Variants in ACD observed in about 807,000 individuals in gnomAD.
ACD encodes adrenocortical dysplasia protein homolog.
In ACD, 39 loss-of-function variants were observed where a neutral mutation model predicts 53.9. The ratio of observed to expected loss-of-function variants is 0.72; its 90% CI spans 0.56 to 0.95. ACD has a LOEUF of 0.95. Among genes scored for constraint, ACD ranks in the 40% least tolerant of loss-of-function variants. The pLI, the probability that ACD is intolerant of heterozygous loss-of-function variation, is 0.00. For missense variants in ACD, 526 were observed against 587.9 expected (o/e 0.89, Z 1.09); for synonymous variants, 273 against 249.2 (o/e 1.10, Z -0.90).
Position 67,659,055 on chromosome 16 carries a change from T to C in ACD, c.518A>G (p.Asp173Gly). 6.2e-7 allele frequency: 1 copy of C among 1,613,874 alleles called. No individual in the cohort carries two copies. The highest frequency in any genetic ancestry group is 8.5e-7 in the Non-Finnish European group (1 of 1,179,970). Residue 173 changes from aspartate to glycine, a missense_variant, in exon 7 of 12, where the codon GAT (aspartate) becomes GGT (glycine). Coordinates refer to ENST00000620761, the MANE Select transcript of ACD (RefSeq NM_001082486.2). ...NAGLSLSQLLDEMREDQEHQG... is the reference protein window; with the variant it reads ...NAGLSLSQLLGEMREDQEHQG... The stretch of plus-strand genomic sequence containing the variant: ...ATGCTCCTGGTCCTCCCGCATTTCA[T>C]CCAGAAGCTGGGACAGTGATAGGCC...
In ACD at chr16:67,658,753, G is replaced by C; in HGVS notation, c.709C>G (p.Leu237Val). ...CTCTGACAGGGGCCTAGAGAGCTCA[G>C]AATTAGCTGGTCATTCTCAGAGATG... is the stretch of plus-strand genomic sequence containing the variant. ...LCISENDQLI[L>V]SSLGPCQRTQ... Residue 237 changes from leucine (L) to valine (V), a missense_variant, in exon 8 of 12, where the codon CTG becomes GTG. By Grantham distance (32) the Leu-to-Val change is conservative. Transcript: ENST00000620761. 6.2e-7 allele frequency: 1 copy of C among 1,613,458 alleles called. No homozygotes were observed. Among genetic ancestry groups the C allele is most frequent in the African/African-American group, 1.3e-5 (1 of 75,038 alleles).
At chr16:67,659,313 A>T in intron 5 of ACD, 50 bp from the exon 6 acceptor site, 2 of 1,614,080 alleles carry the variant, frequency 1.2e-6, no homozygotes, top group Non-Finnish European at 1.7e-6. Context: ...AGGCCTGTCT[A>T]CCTAGATACA....
rs2052957597 is a variant in ACD at position 67,659,577 on chromosome 16, G to A, written c.373C>T (p.Leu125=). The change falls in exon 4 of 12, where the codon CTG becomes TTG. Residue 125 remains leucine (L), a synonymous_variant. Transcript: ENST00000620761. ...AGCCGGGGCTGCTCCGTGGGCAGCAGGCTGAAGCGGTCCACCTGGAGATAG... is the reference window on the plus strand; with the variant it reads ...AGCCGGGGCTGCTCCGTGGGCAGCAAGCTGAAGCGGTCCACCTGGAGATAG... The part of the protein sequence containing the change: ...EFYLQVDRFS[L]LPTEQPRLRV... 1.9e-6 allele frequency: 3 copies of A among 1,613,486 alleles called. No individual in the cohort carries two copies. Among genetic ancestry groups the A allele is most frequent in the Admixed American group, 1.7e-5 (1 of 60,004 alleles).
intron 7 of ACD, 32 bp downstream of exon 7, chr16:67,658,896 C>T (rs2052934302): frequency 6.2e-7 from 1 of 1,608,204 alleles, no homozygotes; most frequent in African/African-American, 1.3e-5. Flanking sequence ...ACTCCTCACC[C>T]TGACATCTCC....
At position 67,659,570 on chromosome 16, in the gene ACD, G is replaced by A. The variant is rs1408312026; in HGVS notation, c.380C>T (p.Pro127Leu). 1 of 1,613,536 alleles carries A rather than the reference G, an allele frequency of 6.2e-7. No homozygotes were observed. Among genetic ancestry groups the A allele is most frequent in the Admixed American group, 1.7e-5 (1 of 60,022 alleles). ...YLQVDRFSLL[P>L]TEQPRLRVPG... is the part of the protein sequence containing the mutation. ...CACCCGTAGCCGGGGCTGCTCCGTGGGCAGCAGGCTGAAGCGGTCCACCTG... is the reference window on the plus strand; with the variant it reads ...CACCCGTAGCCGGGGCTGCTCCGTGAGCAGCAGGCTGAAGCGGTCCACCTG... The change falls in exon 4 of 12, where the codon CCC becomes CTC. Residue 127 changes from proline to leucine, a missense_variant. Pro to Leu is a moderately conservative substitution (Grantham distance 98). Transcript: ENST00000620761.
chr16:67,659,262 C>T lies in ACD; in HGVS notation c.460G>A (p.Glu154Lys). ...VQKKLYDCLE[E>K]HLSESTSSNA... ...GACGAGGTGGACTCTGAAAGGTGCT[C>T]CCTACAGGAAGAGAGTGGCCAGGAC... is the stretch of plus-strand genomic sequence containing the variant. Residue 154 changes from glutamate to lysine, a missense_variant and splice_region_variant, in exon 6 of 12, where the codon GAG becomes AAG. By Grantham distance (56) the Glu-to-Lys change is moderately conservative (BLOSUM62 1). Transcript: ENST00000620761. 2 of 1,614,100 alleles carry T rather than the reference C, an allele frequency of 1.2e-6. No individual in the cohort carries two copies. Among genetic ancestry groups the T allele is most frequent in the Non-Finnish European group, 1.7e-6 (2 of 1,180,006 alleles).
Position 67,657,575 on chromosome 16 carries a change from G to A in ACD, c.*31C>T. 3 of 1,614,108 alleles carry A rather than the reference G, an allele frequency of 1.9e-6. No homozygotes were observed. Among genetic ancestry groups the A allele is most frequent in the Non-Finnish European group, 2.5e-6 (3 of 1,179,964 alleles). ...TATTAAAAAACTCAAAGGAAGCAGA[G>A]TGTGGAGCGGTATCTGTCCTGCGTG... On this transcript the variant is annotated 3_prime_UTR_variant, in exon 12 of 12. Coordinates refer to ENST00000620761, the MANE Select transcript of ACD (RefSeq NM_001082486.2). This position sits in a 1 kb window ranked among gnomAD's most constrained non-coding sequence, Gnocchi z 4.5.
At position 67,658,601 on chromosome 16, in the gene ACD, T is replaced by G. The variant is rs1384777273; in HGVS notation, c.783A>C (p.Leu261=). 1.3e-6 allele frequency: 2 copies of G among 1,575,704 alleles called. No individual in the cohort carries two copies. The highest frequency in any genetic ancestry group is 1.7e-6 in the Non-Finnish European group (2 of 1,159,440). ...GAGGAGAGGCTATGAGGGTCAGAGA[T>G]AGGTCCTGCAGAGCCGGGTCTGGTG... The part of the protein sequence containing the change: ...LPPPDPALQD[L]SLTLIASPPS... The change falls in exon 9 of 12, where the codon CTA becomes CTC. Residue 261 remains leucine, a synonymous_variant. Coordinates refer to ENST00000620761, the MANE Select transcript of ACD (RefSeq NM_001082486.2).
intron 9 of ACD, 76 bp from the exon 10 acceptor site, chr16:67,658,438 G>A (rs929702996): frequency 2.1e-4 from 340 of 1,607,160 alleles, no homozygotes; most frequent in Non-Finnish European, 2.7e-4. Context: ...GCTCAGACAG[G>A]ACTGCAGGGA....
In ACD at chr16:67,657,967, G is replaced by A; in HGVS notation, c.1206+19C>T. 6.3e-7 allele frequency: 1 copy of A among 1,586,096 alleles called. No individual in the cohort carries two copies. The highest frequency in any genetic ancestry group is 8.6e-7 in the Non-Finnish European group (1 of 1,164,152). On this transcript the variant is annotated intron_variant, in intron 10 of 11. Transcript: ENST00000620761. This position sits in a 1 kb window ranked among gnomAD's most constrained non-coding sequence, Gnocchi z 4.5. ...GCCTTCCTTGTTCTACCCTCCAGCT[G>A]CAGAGGGGCTATGCTCACCCAGACA...
rs937840429 is a variant in ACD, at chr16:67,658,994, C to G, written c.579G>C (p.Leu193=). 2 of 1,613,944 alleles carry G rather than the reference C, an allele frequency of 1.2e-6. No homozygotes were observed. Among genetic ancestry groups the G allele is most frequent in the Non-Finnish European group, 1.7e-6 (2 of 1,180,034 alleles). Residue 193 remains leucine (L), a synonymous_variant, in exon 7 of 12, where the codon CTG becomes CTC. Coordinates refer to ENST00000620761, the MANE Select transcript of ACD (RefSeq NM_001082486.2). Reference sequence around the variant, plus strand: ...GTGCTGTGCAAGGGCCCTCCAGTGTCAGGCAGCTTTCAGCCAGGCACACGA... The same window carrying G: ...GTGCTGTGCAAGGGCCCTCCAGTGTGAGGCAGCTTTCAGCCAGGCACACGA... ...GALVCLAESC[L]TLEGPCTAPP... is the part of the protein sequence containing the mutation.
At position 67,658,648 on chromosome 16, in the gene ACD, G is replaced by A. The variant is rs541174802; in HGVS notation, c.743-7C>T. 1 of 1,580,192 alleles carries A rather than the reference G, an allele frequency of 6.3e-7. No individual in the cohort carries two copies. The highest frequency in any genetic ancestry group is 8.6e-7 in the Non-Finnish European group (1 of 1,161,046). On this transcript the variant is annotated splice_region_variant and splice_polypyrimidine_tract_variant and intron_variant, in intron 8 of 11. Transcript: ENST00000620761. ...GGTGGGGGCAGCTCAGGGCCTGGGG[G>A]GTTCAGGAAGTCTTATCAGCACTGT... is the stretch of plus-strand genomic sequence containing the variant.
rs762184098 is a variant in ACD, at chr16:67,660,256, G to C, written c.-36C>G. ...ACACCCAGCGGATGCAACGGGCCCG[G>C]GTTTCCCGCGGGCGCCCAGGCCCCG... On this transcript the variant is annotated 5_prime_UTR_variant, in exon 1 of 12. Transcript: ENST00000620761. The C allele has an allele frequency of 1.2e-6, 2 of 1,612,374 alleles. No homozygotes were observed. The highest frequency in any genetic ancestry group is 1.7e-6 in the Non-Finnish European group (2 of 1,179,838).
rs1171252594 is a variant in ACD at position 67,658,844 on chromosome 16, GC to G, written c.646-29del. The G allele has an allele frequency of 1.9e-6, 3 of 1,603,066 alleles. No homozygotes were observed. The Admixed American group carries it at 5.0e-5, about 27-fold the overall frequency. ...GTGGGACATGAACTCTGTAGGACAG[GC>G]CCGTTTACTCTCATGTCCTGTGGGA... On this transcript the variant is annotated intron_variant, in intron 7 of 11. Transcript: ENST00000620761.
chr16:67,660,226 C>T lies in ACD; in HGVS notation c.-6G>A, dbSNP rs762014701. ...AGCCTCCCCGAACCTGCCATCCCCA[C>T]GGCTACACCCAGCGGATGCAACGGG... On this transcript the variant is annotated 5_prime_UTR_variant, in exon 1 of 12. The change creates a new upstream start codon in the 5' untranslated region. Transcript: ENST00000620761. The T allele has an allele frequency of 1.8e-5, 29 of 1,612,718 alleles. No individual in the cohort carries two copies. The highest frequency in any genetic ancestry group is 2.4e-5 in the Non-Finnish European group (28 of 1,179,914).
rs534597024 is a variant in ACD, at chr16:67,658,395, C to T, written c.830-33G>A. Reference sequence around the variant, plus strand: ...GGAGGGGACTTATTGTAGGCACAGCCCTCTCCGCTCAGGGCAGCTGAGTGG... The same window carrying T: ...GGAGGGGACTTATTGTAGGCACAGCTCTCTCCGCTCAGGGCAGCTGAGTGG... On this transcript the variant is annotated intron_variant, in intron 9 of 11. Coordinates refer to ENST00000620761, the MANE Select transcript of ACD (RefSeq NM_001082486.2). 1.5e-4 allele frequency: 238 copies of T among 1,612,740 alleles called. 6 individuals carry two copies. In the South Asian group the frequency reaches 2.5e-3, roughly 17 times the overall value.
chr16:67,660,254 C>T lies in ACD; in HGVS notation c.-34G>A. On this transcript the variant is annotated 5_prime_UTR_variant, in exon 1 of 12. Coordinates refer to ENST00000620761, the MANE Select transcript of ACD (RefSeq NM_001082486.2). ...CTACACCCAGCGGATGCAACGGGCC[C>T]GGGTTTCCCGCGGGCGCCCAGGCCC... 1 of 1,612,424 alleles carries T rather than the reference C, an allele frequency of 6.2e-7. No homozygotes were observed. Among genetic ancestry groups the T allele is most frequent in the Non-Finnish European group, 8.5e-7 (1 of 1,179,846 alleles).
chr16:67,658,882 C>A, intron 7 of ACD, 46 bp downstream of exon 7: 1 of 1,605,644 alleles, frequency 6.2e-7, no homozygotes, highest in Non-Finnish European at 8.5e-7. Flanking sequence ...ATGACCCTTG[C>A]CCAACTCCTC....
Position 67,659,219 on chromosome 16 carries a change from T to G in ACD, c.493+10A>C, listed in dbSNP as rs993888788. ...AGCGTGTTAGGATCACTGGTCAAGCTCTACAGTACCTGCATTGGACGAGGT... is the reference window on the plus strand; with the variant it reads ...AGCGTGTTAGGATCACTGGTCAAGCGCTACAGTACCTGCATTGGACGAGGT... On this transcript the variant is annotated intron_variant, in intron 6 of 11. Transcript: ENST00000620761. The G allele has an allele frequency of 1.2e-6, 2 of 1,614,014 alleles. No homozygotes were observed. Among genetic ancestry groups the G allele is most frequent in the African/African-American group, 1.3e-5 (1 of 75,014 alleles).
Sources: gnomAD v4.1 joint callset for allele counts on GRCh38, gnomAD v4.1.1 for gene constraint, Gnocchi (gnomAD v3.1) non-coding constraint, MANE v1.5 for transcripts, NCBI Gene and HGNC (gene_info 2026-07-23, HGNC 2026-07-21) for gene names.